SAMTOR: variants seen among roughly 807,000 people sequenced by gnomAD.
The protein encoded by SAMTOR is UPF0532 protein C7orf60.
At chr7:112,843,394 G>A in the SAMTOR span, among the ~76,000 whole-genome samples, 2 of 151,900 alleles carry the variant, frequency 1.3e-5, no homozygotes, top group African/African-American at 4.8e-5. Flanking sequence ...GTAGTGATGA[G>A]AATAAGTATT....
At chr7:112,831,265 T>C in the SAMTOR span, among the ~76,000 whole-genome samples, 1 of 152,190 alleles carries the variant, frequency 6.6e-6, no homozygotes, top group East Asian at 1.9e-4. Flanking sequence ...TGGAAAAAAG[T>C]CTTTTTCTGA....
At chr7:112,875,924 T>C in the SAMTOR span, among the ~76,000 whole-genome samples, 1 of 152,206 alleles carries the variant, frequency 6.6e-6, no homozygotes, top group Admixed American at 6.5e-5. Flanking sequence ...ATGTTCCAGA[T>C]GACATGTGGT....
the SAMTOR span, among the ~76,000 whole-genome samples, chr7:112,833,054 G>A: frequency 6.6e-6 from 1 of 152,136 alleles, no homozygotes; most frequent in Non-Finnish European, 1.5e-5. Flanking sequence ...GGGATTAGAG[G>A]CGTGAGCCAC....
chr7:112,824,037 T>A, the SAMTOR span, among the ~76,000 whole-genome samples: 1 of 146,278 alleles, frequency 6.8e-6, no homozygotes, highest in African/African-American at 2.7e-5. Flanking sequence ...GTTTTAAGTA[T>A]TTTCTTTCTG....
the SAMTOR span, among the ~76,000 whole-genome samples, chr7:112,917,532 G>C: frequency 1.3e-5 from 2 of 152,186 alleles, no homozygotes; most frequent in Admixed American, 1.3e-4. Flanking sequence ...ACTCTAAAAA[G>C]CAGAGCGCCT....
the SAMTOR span, among the ~76,000 whole-genome samples, chr7:112,917,706 T>A: frequency 6.6e-6 from 1 of 151,856 alleles, no homozygotes; most frequent in South Asian, 2.1e-4. Context: ...TTGAAAAAAA[T>A]TTAGACAAAT....
At chr7:112,820,536 C>G in the SAMTOR span, 2 of 152,262 alleles carry the variant, frequency 1.3e-5, no homozygotes, top group Non-Finnish European at 2.9e-5. Context: ...TGCTGGCTGA[C>G]AAGACAATGT....
chr7:112,916,517 C>T, the SAMTOR span, among the ~76,000 whole-genome samples: 2 of 152,178 alleles, frequency 1.3e-5, no homozygotes, highest in African/African-American at 2.4e-5. Context: ...GTGACTGAAG[C>T]AGAAGACAGG....
At chr7:112,865,681 T>TATATATTTTTTCATATATACATATATTC in the SAMTOR span, among the ~76,000 whole-genome samples, 1 of 104,454 alleles carries the variant, frequency 9.6e-6, no homozygotes, top group Non-Finnish European at 1.8e-5. Context: ...CATATATTCA[T>TATATATTTTTTCATATATACATATATTC]ATATATTTCA....
the SAMTOR span, among the ~76,000 whole-genome samples, chr7:112,901,941 G>A: frequency 1.3e-5 from 2 of 152,088 alleles, no homozygotes; most frequent in African/African-American, 2.4e-5. Flanking sequence ...AGACAACAGA[G>A]TATTATTCAG....
chr7:112,856,234 T>C, the SAMTOR span, among the ~76,000 whole-genome samples: 2 of 151,968 alleles, frequency 1.3e-5, no homozygotes, highest in East Asian at 3.9e-4. Context: ...AAGTGTATTA[T>C]TTTTATTTAC....
chr7:112,855,903 G>A, the SAMTOR span, among the ~76,000 whole-genome samples: 3 of 150,430 alleles, frequency 2.0e-5, no homozygotes, highest in Non-Finnish European at 4.4e-5. Context: ...ATGCTTGGGG[G>A]AGATTAAAAA....
At chr7:112,912,053 T>G in the SAMTOR span, among the ~76,000 whole-genome samples, 1 of 144,408 alleles carries the variant, frequency 6.9e-6, no homozygotes, top group Admixed American at 6.9e-5. Flanking sequence ...ATATAAATTT[T>G]AAAATATATT....
the SAMTOR span, among the ~76,000 whole-genome samples, chr7:112,890,315 A>C: frequency 1.3e-5 from 2 of 152,152 alleles, no homozygotes; most frequent in African/African-American, 4.8e-5. Flanking sequence ...CTACTAAATT[A>C]TGCAGATACT....
the SAMTOR span, among the ~76,000 whole-genome samples, chr7:112,838,707 T>C: frequency 6.6e-6 from 1 of 151,886 alleles, no homozygotes; most frequent in Admixed American, 6.6e-5. Context: ...GAGCATACTA[T>C]TCTAAAGACA....
the SAMTOR span, among the ~76,000 whole-genome samples, chr7:112,870,968 A>C: frequency 2.6e-5 from 4 of 152,186 alleles, no homozygotes; most frequent in Admixed American, 6.5e-5. Flanking sequence ...GCTCAATTCC[A>C]TGAGAAGACT....
chr7:112,852,245 T>C, the SAMTOR span, among the ~76,000 whole-genome samples: 5 of 152,138 alleles, frequency 3.3e-5, no homozygotes, highest in Non-Finnish European at 7.4e-5. Flanking sequence ...ATGTGGTGTA[T>C]ATATGTACAT....
At chr7:112,853,718 A>G in the SAMTOR span, among the ~76,000 whole-genome samples, 1 of 152,168 alleles carries the variant, frequency 6.6e-6, no homozygotes, top group Non-Finnish European at 1.5e-5. Flanking sequence ...GCAAAGGCAG[A>G]TATGGGAGAT....
the SAMTOR span, among the ~76,000 whole-genome samples, chr7:112,928,859 G>C: frequency 6.6e-6 from 1 of 151,884 alleles, no homozygotes; most frequent in African/African-American, 2.4e-5. Context: ...GCAGCTGACA[G>C]TCCAGTCATA....
Sources: allele counts gnomAD v4.1 joint callset (sites outside exome capture counted in the v4.1 genomes callset), GRCh38; gene constraint gnomAD v4.1.1; transcripts MANE v1.5; gene names NCBI Gene and HGNC (gene_info 2026-07-23, HGNC 2026-07-21).